The following TCERG1 variants were observed in gnomAD, a reference collection of about 807,000 sequenced individuals.
TCERG1 encodes the protein TATA box binding protein (TBP)-associated factor, RNA polymerase II, S, 150kD.
In TCERG1, 37 loss-of-function variants were observed where a neutral mutation model predicts 144.7. The observed-to-expected ratio is 0.26, with a 90% CI of 0.20 to 0.34. The LOEUF (loss-of-function observed/expected upper bound fraction) is 0.34, where lower values mean the gene tolerates loss of function less well. TCERG1 is among the 10% of genes least tolerant of loss of function. The pLI is 1.00. For missense variants in TCERG1, 1,027 were observed against 1,380.7 expected (o/e 0.74, Z 4.06); for synonymous variants, 492 against 458.2 (o/e 1.07, Z -0.94).
At chr5:146,495,962 G>A (rs1766858059) in intron 16 of TCERG1, among the ~76,000 whole-genome samples, 1 of 152,114 alleles carries the variant, frequency 6.6e-6, no homozygotes, top group Non-Finnish European at 1.5e-5. Context: ...AGACCAGCCT[G>A]GCCAGTATGG....
At chr5:146,467,716 G>A (rs1421385787) in intron 5 of TCERG1, among the ~76,000 whole-genome samples, 3 of 152,312 alleles carry the variant, frequency 2.0e-5, no homozygotes, top group Non-Finnish European at 4.4e-5. Context: ...CATAGAGCAG[G>A]CACTAAACAT....
rs117198004 is a variant in TCERG1 at position 146,464,065 on chromosome 5, A to G, written c.1135+272A>G. On this transcript the variant is annotated intron_variant, in intron 5 of 22. Coordinates refer to ENST00000679501, the MANE Select transcript of TCERG1 (RefSeq NM_001382548.1). ...ATGAGTTAAAAATGATTATCTTTTC[A>G]TGTAAATAATGTTCTAAATGCAATA... Among the ~76,000 whole-genome samples, 117 of 152,354 alleles carry G rather than the reference A, an allele frequency of 7.7e-4. 1 individual carries two copies. The East Asian group carries it at 0.022, about 28-fold the overall frequency.
intron 5 of TCERG1, among the ~76,000 whole-genome samples, chr5:146,464,788 C>T (rs375400462): frequency 1.3e-4 from 20 of 152,278 alleles, no homozygotes; most frequent in South Asian, 8.3e-4. Context: ...CTTTCTTATA[C>T]TCCTTTCTGT....
chr5:146,499,548 T>C (rs1159896002), intron 17 of TCERG1: 1 of 152,228 alleles, frequency 6.6e-6, no homozygotes, highest in African/African-American at 2.4e-5. Context: ...ATTGTTTCAC[T>C]GTTTACTTAA....
intron 11 of TCERG1, 45 bp from the exon 12 acceptor site, chr5:146,479,983 A>AGAAG (rs1461115628): frequency 1.0e-5 from 16 of 1,596,520 alleles, no homozygotes; most frequent in Non-Finnish European, 1.1e-5. Context: ...AGTGATTAGC[A>AGAAG]GAAGGATTCA....
chr5:146,477,586 G>GT (rs71848143), intron 9 of TCERG1, among the ~76,000 whole-genome samples: 28 of 147,562 alleles, frequency 1.9e-4, no homozygotes, highest in African/African-American at 2.0e-4. Flanking sequence ...TGTAGTTGTG[G>GT]TTTTTTTTTT....
At chr5:146,465,746 A>G (rs1763721450) in intron 5 of TCERG1, among the ~76,000 whole-genome samples, 1 of 152,140 alleles carries the variant, frequency 6.6e-6, no homozygotes, top group Non-Finnish European at 1.5e-5. Flanking sequence ...AAAGTGATAT[A>G]TTAGGCTGGG....
chr5:146,478,398 A>G lies in TCERG1; in HGVS notation c.1602-95A>G, dbSNP rs1765045199. The G allele has an allele frequency of 3.1e-6, 4 of 1,286,112 alleles. No individual in the cohort carries two copies. The Admixed American group carries it at 1.1e-4, about 35-fold the overall frequency. 79.7% of individuals were successfully genotyped at this position (1,286,112 alleles called of 1,614,324 possible). A position where few individuals can be genotyped will look rare whatever the true frequency, so the allele number is the denominator to read the frequency against. ...TAATAAGAACATGTCGTTCTTCAGT[A>G]CCCTCATCTCCCTACTTGTAACAGG... On this transcript the variant is annotated intron_variant, in intron 9 of 22. Transcript: ENST00000679501.
At position 146,461,537 on chromosome 5, in the gene TCERG1, C is replaced by T. The variant is rs80032120; in HGVS notation, c.893-2014C>T. ...TTTATTGCTTTTGTTCTTTTCCTGTCGTGACTCATGGCTGCTAATCAAATT... is the reference window on the plus strand; with the variant it reads ...TTTATTGCTTTTGTTCTTTTCCTGTTGTGACTCATGGCTGCTAATCAAATT... On this transcript the variant is annotated intron_variant, in intron 4 of 22. Coordinates refer to ENST00000679501, the MANE Select transcript of TCERG1 (RefSeq NM_001382548.1). 7.3e-3 allele frequency among the ~76,000 whole-genome samples: 1,111 copies of T among 152,142 alleles called. 6 individuals are homozygous for T. Among genetic ancestry groups the T allele is most frequent in the African/African-American group, 0.025 (1,040 of 41,498 alleles).
At chr5:146,493,875 G>C (rs950971825) in intron 16 of TCERG1, among the ~76,000 whole-genome samples, 2 of 151,974 alleles carry the variant, frequency 1.3e-5, no homozygotes, top group African/African-American at 4.8e-5. Context: ...TAAAACTGTC[G>C]GGTAGCATCA....
chr5:146,448,315 A>G (rs903242282), intron 1 of TCERG1, among the ~76,000 whole-genome samples: 16 of 151,878 alleles, frequency 1.1e-4, no homozygotes, highest in Admixed American at 5.2e-4. Flanking sequence ...ATTTCCTTGA[A>G]CAGTGCAGTG....
At chr5:146,483,360 A>G (rs1002644930) in intron 14 of TCERG1, among the ~76,000 whole-genome samples, 180 bp from the exon 15 acceptor site, 1 of 152,142 alleles carries the variant, frequency 6.6e-6, no homozygotes, top group Non-Finnish European at 1.5e-5. Flanking sequence ...TTCAGAGCCA[A>G]TTAGTGTGGA....
Position 146,507,698 on chromosome 5 carries a change from C to A in TCERG1, c.2962-175C>A. On this transcript the variant is annotated intron_variant, in intron 20 of 22. Coordinates refer to ENST00000679501, the MANE Select transcript of TCERG1 (RefSeq NM_001382548.1). The surrounding 1 kb of genome is among the most constrained non-coding windows in gnomAD (Gnocchi z 4.6). Reference sequence around the variant, plus strand: ...CCATGAAAATAACTCTTGTGGCAAGCCAACAAAAAGAAATTGCATTAACGC... The same window carrying A: ...CCATGAAAATAACTCTTGTGGCAAGACAACAAAAAGAAATTGCATTAACGC... 1 of 462,516 alleles carries A rather than the reference C, an allele frequency of 2.2e-6. No homozygotes were observed. Among genetic ancestry groups the A allele is most frequent in the Non-Finnish European group, 3.8e-6 (1 of 264,922 alleles). The allele number at this position is 462,516 out of a possible 1,614,324, so 28.7% of individuals were successfully genotyped here. A position where few individuals can be genotyped will look rare whatever the true frequency, so the allele number is the denominator to read the frequency against.
intron 2 of TCERG1, 53 bp downstream of exon 2, chr5:146,455,334 A>G (rs1024752577): frequency 5.7e-6 from 9 of 1,587,166 alleles, no homozygotes; most frequent in Admixed American, 5.2e-5. Flanking sequence ...TCAATATTAT[A>G]TATGGGTTTT....
chr5:146,506,005 G>C (rs1281127031), intron 19 of TCERG1, among the ~76,000 whole-genome samples: 1 of 152,106 alleles, frequency 6.6e-6, no homozygotes, highest in Non-Finnish European at 1.5e-5. Flanking sequence ...TCGAACTCCT[G>C]ACCTCAGGTG....
intron 17 of TCERG1, among the ~76,000 whole-genome samples, chr5:146,500,817 G>A (rs1450848887): frequency 2.0e-5 from 3 of 152,014 alleles, no homozygotes; most frequent in Non-Finnish European, 2.9e-5. Context: ...GACCAGCCTA[G>A]GCAATATAGC....
intron 22 of TCERG1, 183 bp from the exon 23 acceptor site, chr5:146,510,258 A>T: frequency 1.5e-6 from 1 of 672,372 alleles, no homozygotes; most frequent in Non-Finnish European, 2.3e-6. Context: ...AGGCCCTTTC[A>T]CTCCTTGGAG....
intron 17 of TCERG1, 166 bp from the exon 18 acceptor site, chr5:146,503,209 C>T (rs914515571): frequency 1.1e-5 from 6 of 551,502 alleles, no homozygotes; most frequent in Non-Finnish European, 1.8e-5. Context: ...AAGAACACTT[C>T]TGATCTTTTA....
At chr5:146,481,526 A>C (rs1053076706) in intron 13 of TCERG1, 1 of 152,134 alleles carries the variant, frequency 6.6e-6, no homozygotes, top group Admixed American at 6.6e-5. Context: ...TAAGTTGCTA[A>C]GTACCTCTCA....
Sources: gnomAD v4.1 joint callset for allele counts (sites outside exome capture counted in the v4.1 genomes callset) on GRCh38, gnomAD v4.1.1 for gene constraint, Gnocchi (gnomAD v3.1) non-coding constraint, MANE v1.5 for transcripts, NCBI Gene and HGNC (gene_info 2026-07-23, HGNC 2026-07-21) for gene names.